RANBP17: variants seen among roughly 807,000 people sequenced by gnomAD.
The protein encoded by RANBP17 is RAN binding protein 17.
In RANBP17, 158 loss-of-function variants were observed where a neutral mutation model predicts 141.2. That is an observed-to-expected ratio of 1.12 (90% CI 0.98 to 1.28). The LOEUF (loss-of-function observed/expected upper bound fraction) is 1.28. Ranked by LOEUF, RANBP17 falls within the 50% of genes most tolerant of loss-of-function variation. The probability of loss-of-function intolerance (pLI) is 0.00; values close to 1 mark genes in which losing one functional copy is unlikely to be tolerated. For missense variants in RANBP17, 1,438 were observed against 1,290.7 expected, an observed-to-expected ratio of 1.11 and a Z score of -1.75; for synonymous variants, 430 against 450.0, an observed-to-expected ratio of 0.96 and a Z score of 0.56.
chr5:171,272,057 C>G (rs1371353617), intron 25 of RANBP17, among the ~76,000 whole-genome samples: 3 of 152,132 alleles, frequency 2.0e-5, no homozygotes, highest in African/African-American at 7.2e-5. Context: ...ATGGATGGAG[C>G]TGGAGGCTAT....
chr5:171,022,286 A>T lies in RANBP17; in HGVS notation c.1710+53909A>T, dbSNP rs774691056. Among the ~76,000 whole-genome samples, 44 of 152,140 alleles carry T rather than the reference A, an allele frequency of 2.9e-4. 1 individual carries two copies. The highest frequency in any genetic ancestry group is 1.6e-3 in the Admixed American group (25 of 15,274). On this transcript the variant is annotated intron_variant, in intron 14 of 27. Coordinates refer to ENST00000523189, the MANE Select transcript of RANBP17 (RefSeq NM_022897.5). Reference sequence around the variant, plus strand: ...ACTCACCCAGTTGGGTGGCACAGGGATGTGGACCCATTTAATGAAGCACTT... The same window carrying T: ...ACTCACCCAGTTGGGTGGCACAGGGTTGTGGACCCATTTAATGAAGCACTT...
intron 14 of RANBP17, among the ~76,000 whole-genome samples, chr5:171,079,761 GACT>G (rs1338005814): frequency 6.6e-6 from 1 of 152,180 alleles, no homozygotes; most frequent in Non-Finnish European, 1.5e-5. Flanking sequence ...ACAGGTAATA[GACT>G]ATAGTATCAT....
intron 14 of RANBP17, among the ~76,000 whole-genome samples, chr5:171,162,802 C>A (rs1047762228): frequency 2.0e-5 from 3 of 152,104 alleles, no homozygotes; most frequent in Non-Finnish European, 4.4e-5. Flanking sequence ...AGGCAGCAGG[C>A]AGCCCTGCAC....
intron 18 of RANBP17, among the ~76,000 whole-genome samples, chr5:171,189,390 CTG>C (rs1761480066): frequency 6.6e-6 from 1 of 152,186 alleles, no homozygotes; most frequent in African/African-American, 2.4e-5. Context: ...TTGTTAAAAA[CTG>C]GAGTTATTCT....
At chr5:171,034,327 A>T (rs1176999853) in intron 14 of RANBP17, among the ~76,000 whole-genome samples, 1 of 152,150 alleles carries the variant, frequency 6.6e-6, no homozygotes, top group African/African-American at 2.4e-5. Flanking sequence ...TCTTAGGGTT[A>T]TCATATGTAA....
In RANBP17 at chr5:171,298,806, C is replaced by T. The variant is rs755426271; in HGVS notation, c.3215C>T (p.Ala1072Val). Residue 1072 changes from alanine to valine, a missense_variant, in exon 28 of 28, where the codon GCG becomes GTG. Ala to Val is a moderately conservative substitution (Grantham distance 64). Coordinates refer to ENST00000523189, the MANE Select transcript of RANBP17 (RefSeq NM_022897.5). ...GTATTCAGAAGAGATGTGGCAGAGG[C>T]GTTGCGCAGTGATGGCAACACTGAA... is the stretch of plus-strand genomic sequence containing the variant. ...LSVFRRDVAE[A>V]LRSDGNTEPC... 1.5e-5 allele frequency: 25 copies of T among 1,614,050 alleles called. No individual in the cohort carries two copies. Among genetic ancestry groups the T allele is most frequent in the South Asian group, 7.7e-5 (7 of 91,082 alleles).
At chr5:171,254,091 C>T (rs541341027) in intron 24 of RANBP17, among the ~76,000 whole-genome samples, 144 of 151,712 alleles carry the variant, frequency 9.5e-4, no homozygotes, top group Non-Finnish European at 1.5e-3. Flanking sequence ...ACTAAAAATA[C>T]AAAAAATTAG....
chr5:170,903,376 C>G (rs1350364103), intron 5 of RANBP17, among the ~76,000 whole-genome samples: 1 of 152,224 alleles, frequency 6.6e-6, no homozygotes, highest in East Asian at 1.9e-4. Context: ...GACTGCTGTG[C>G]TGGCAGCAAG....
chr5:171,157,420 T>C lies in RANBP17; in HGVS notation c.1711-12710T>C, dbSNP rs536292495. 2.0e-5 allele frequency among the ~76,000 whole-genome samples: 3 copies of C among 152,344 alleles called. No homozygotes were observed. The South Asian group carries it at 6.2e-4, about 32-fold the overall frequency. The stretch of plus-strand genomic sequence containing the variant: ...CAGTACCATTTCCTAGTTTTTGATA[T>C]TACATCATTTATATAGGGATTGCCA... On this transcript the variant is annotated intron_variant, in intron 14 of 27. Coordinates refer to ENST00000523189, the MANE Select transcript of RANBP17 (RefSeq NM_022897.5).
intron 21 of RANBP17, among the ~76,000 whole-genome samples, chr5:171,219,386 A>G (rs185503838): frequency 6.6e-6 from 1 of 152,162 alleles, no homozygotes; most frequent in Non-Finnish European, 1.5e-5. Flanking sequence ...GCTCTTCTCA[A>G]GGAGTGTGTT....
intron 14 of RANBP17, among the ~76,000 whole-genome samples, chr5:171,073,707 G>A (rs1784755149): frequency 6.6e-6 from 1 of 152,014 alleles, no homozygotes; most frequent in African/African-American, 2.4e-5. Context: ...CCCTAATCTT[G>A]GTTTCTGCAT....
chr5:171,162,289 A>G (rs142778156), intron 14 of RANBP17, among the ~76,000 whole-genome samples: 70 of 152,116 alleles, frequency 4.6e-4, no homozygotes, highest in Non-Finnish European at 8.8e-4. Flanking sequence ...TACACTCTCC[A>G]TTTTCTCTGG....
At chr5:171,168,882 T>C (rs1228790433) in intron 14 of RANBP17, among the ~76,000 whole-genome samples, 1 of 151,866 alleles carries the variant, frequency 6.6e-6, no homozygotes, top group Non-Finnish European at 1.5e-5. Context: ...CAGCTTCTGC[T>C]CTCCACCGTT....
chr5:170,976,723 G>C (rs1777401578), intron 14 of RANBP17, among the ~76,000 whole-genome samples: 2 of 151,766 alleles, frequency 1.3e-5, no homozygotes. Context: ...TTTGTAGTCA[G>C]GTGATTTTTT....
intron 25 of RANBP17, among the ~76,000 whole-genome samples, chr5:171,275,245 AT>A (rs1409575665): frequency 2.6e-5 from 4 of 152,168 alleles, no homozygotes; most frequent in South Asian, 4.2e-4. Flanking sequence ...ATCATATATA[AT>A]TTTTTTAATG....
In RANBP17 at chr5:171,077,166, C is replaced by T. The variant is rs145801396; in HGVS notation, c.1711-92964C>T. On this transcript the variant is annotated intron_variant, in intron 14 of 27. Coordinates refer to ENST00000523189, the MANE Select transcript of RANBP17 (RefSeq NM_022897.5). ...CATCCTGGCAAACACGGTGAAACCC[C>T]GTCTCTACTAAAACTACAAAAAAAT... Among the ~76,000 whole-genome samples, 618 of 152,034 alleles carry T rather than the reference C, an allele frequency of 4.1e-3. 5 individuals are homozygous for T. The highest frequency in any genetic ancestry group is 0.014 in the African/African-American group (596 of 41,488).
intron 13 of RANBP17, among the ~76,000 whole-genome samples, chr5:170,958,142 G>A (rs1156990523): frequency 6.6e-6 from 1 of 152,202 alleles, no homozygotes; most frequent in Non-Finnish European, 1.5e-5. Context: ...GACTGGGGGA[G>A]TAAGGACAAG....
At chr5:171,021,457 G>A (rs1581419933) in intron 14 of RANBP17, among the ~76,000 whole-genome samples, 1 of 152,192 alleles carries the variant, frequency 6.6e-6, no homozygotes, top group African/African-American at 2.4e-5. Flanking sequence ...TTTCTTGGAG[G>A]CTTTGTTCAT....
chr5:171,000,765 TG>T (rs1779148554), intron 14 of RANBP17, among the ~76,000 whole-genome samples: 1 of 151,992 alleles, frequency 6.6e-6, no homozygotes, highest in Admixed American at 6.6e-5. Flanking sequence ...GGGCAGGGGG[TG>T]GATCTCACAA....
Sources: allele counts gnomAD v4.1 joint callset (sites outside exome capture counted in the v4.1 genomes callset), GRCh38; gene constraint gnomAD v4.1.1; transcripts MANE v1.5; gene names NCBI Gene and HGNC (gene_info 2026-07-23, HGNC 2026-07-21).